DCUN1D4: variants seen among roughly 807,000 people sequenced by gnomAD.
DCUN1D4 encodes defective in cullin neddylation 1 domain containing 4.
DCUN1D4 carries 22 observed loss-of-function variants against 47.9 expected under a neutral mutation model. That is an observed-to-expected ratio of 0.46 (90% CI 0.33 to 0.66). The LOEUF is 0.66. DCUN1D4 is among the 30% of genes least tolerant of loss of function. The pLI is 0.02. For synonymous variants in DCUN1D4, 121 were observed against 112.2 expected, an observed-to-expected ratio of 1.08 and a Z score of -0.50; for missense variants, 301 against 340.8, an observed-to-expected ratio of 0.88 and a Z score of 0.92.
Position 51,913,285 on chromosome 4 carries a change from A to G in DCUN1D4, c.721-5A>G, listed in dbSNP as rs1286360864. On this transcript the variant is annotated splice_polypyrimidine_tract_variant and splice_region_variant and intron_variant, in intron 9 of 10. Coordinates refer to ENST00000334635, the MANE Select transcript of DCUN1D4 (RefSeq NM_001040402.3). The stretch of plus-strand genomic sequence containing the variant: ...AGTAATTCATATTACTTTTCCCTCC[A>G]TCAGCAATCAAAATACAAAGTTATT... The G allele has an allele frequency of 6.3e-7, 1 of 1,585,058 alleles. No homozygotes were observed. Among genetic ancestry groups the G allele is most frequent in the African/African-American group, 1.3e-5 (1 of 74,324 alleles).
At chr4:51,844,262 G>C (rs1577803713) in intron 1 of DCUN1D4, 2 of 922,192 alleles carry the variant, frequency 2.2e-6, no homozygotes, top group African/African-American at 1.8e-5. Flanking sequence ...TCTCCCTGTC[G>C]AGGCAGGGTC....
chr4:51,861,011 C>T (rs1186042560), intron 1 of DCUN1D4, among the ~76,000 whole-genome samples: 4 of 152,096 alleles, frequency 2.6e-5, no homozygotes, highest in African/African-American at 7.2e-5. Context: ...TAAATATAGT[C>T]GGAATTGATG....
chr4:51,842,715 C>T (rs948787040), upstream of DCUN1D4, among the ~76,000 whole-genome samples: 4 of 152,174 alleles, frequency 2.6e-5, no homozygotes, highest in East Asian at 7.7e-4. Context: ...CTGGTACGAG[C>T]CGCCCCCAAC....
upstream of DCUN1D4, chr4:51,842,882 A>T (rs548953640): frequency 8.9e-5 from 29 of 325,270 alleles, no homozygotes; most frequent in Non-Finnish European, 1.4e-4. Context: ...TCGCCCCTAC[A>T]CGCGCTCTCG....
intron 8 of DCUN1D4, among the ~76,000 whole-genome samples, chr4:51,900,380 G>A (rs192927676): frequency 5.2e-4 from 79 of 152,078 alleles, no homozygotes; most frequent in Non-Finnish European, 9.3e-4. Context: ...TGTTAAAAAC[G>A]ATAAGGTGAA....
rs755838496 is a variant in DCUN1D4 at position 51,899,362 on chromosome 4, C to T, written c.599C>T (p.Ala200Val). 1.9e-6 allele frequency: 3 copies of T among 1,607,076 alleles called. No individual in the cohort carries two copies. Among genetic ancestry groups the T allele is most frequent in the Non-Finnish European group, 1.7e-6 (2 of 1,176,852 alleles). ...STNFKLIYRYAFDFAREKDQR... is the reference protein window; with the variant it reads ...STNFKLIYRYVFDFAREKDQR... ...AACTTTAAACTTATTTACAGATATG[C>T]GTTTGACTTTGCACGGGTGAGTTCT... The change falls in exon 8 of 11, where the codon GCG (alanine) becomes GTG (valine). Residue 200 changes from alanine to valine, a missense_variant. Physicochemically the swap from Ala to Val is moderately conservative, Grantham distance 64. This residue lies in a region of DCUN1D4 where 170 missense variants were observed against 234.5 expected (regional missense o/e 0.73). Coordinates refer to ENST00000334635, the MANE Select transcript of DCUN1D4 (RefSeq NM_001040402.3).
intron 3 of DCUN1D4, among the ~76,000 whole-genome samples, chr4:51,868,578 T>G (rs1310059645): frequency 6.6e-6 from 1 of 152,188 alleles, no homozygotes; most frequent in African/African-American, 2.4e-5. Context: ...ATCTATGATG[T>G]TTAGAAATCT....
the DCUN1D4 span, among the ~76,000 whole-genome samples, chr4:51,835,637 G>A: frequency 1.4e-4 from 21 of 152,136 alleles, no homozygotes; most frequent in African/African-American, 4.6e-4. Flanking sequence ...CTAGCCTGTG[G>A]GGTGGGGACA....
chr4:51,866,192 C>G (rs1016662725), intron 3 of DCUN1D4, among the ~76,000 whole-genome samples: 4 of 152,036 alleles, frequency 2.6e-5, no homozygotes, highest in Non-Finnish European at 5.9e-5. Context: ...CAAGGACAGT[C>G]AAAAACAATT....
At chr4:51,841,937 T>G, upstream of DCUN1D4, among the ~76,000 whole-genome samples, 1 of 135,376 alleles carries the variant, frequency 7.4e-6, no homozygotes. Flanking sequence ...AGGTGTGTTG[T>G]TGTTGGAGTT....
the DCUN1D4 span, among the ~76,000 whole-genome samples, chr4:51,835,281 C>CCTCT: frequency 6.6e-6 from 1 of 152,228 alleles, no homozygotes; most frequent in African/African-American, 2.4e-5. Context: ...AGTTACTTTA[C>CCTCT]CTCTCTGTGC....
chr4:51,834,076 C>T, the DCUN1D4 span, among the ~76,000 whole-genome samples: 23 of 97,758 alleles, frequency 2.4e-4, no homozygotes, highest in African/African-American at 1.0e-3. Flanking sequence ...CTCTCTCTCT[C>T]TCTCTCTCTC....
chr4:51,874,144 T>C (rs1440294371), intron 3 of DCUN1D4, 127 bp from the exon 4 acceptor site: 8 of 498,240 alleles, frequency 1.6e-5, no homozygotes, highest in South Asian at 6.3e-5. Context: ...ACCCATCTTT[T>C]CTTTAACATC....
At position 51,899,275 on chromosome 4, in the gene DCUN1D4, A is replaced by G; in HGVS notation, c.512A>G (p.Asp171Gly). 2 of 1,600,336 alleles carry G rather than the reference A, an allele frequency of 1.2e-6. No individual in the cohort carries two copies. Among genetic ancestry groups the G allele is most frequent in the Non-Finnish European group, 1.7e-6 (2 of 1,175,838 alleles). The change falls in exon 8 of 11, where the codon GAT becomes GGT. Residue 171 changes from aspartate (D) to glycine (G), a missense_variant. Asp to Gly is a moderately conservative substitution (Grantham distance 94). This residue lies in a region of DCUN1D4 where 170 missense variants were observed against 234.5 expected (regional missense o/e 0.73). Transcript: ENST00000334635. ...CCTTTATTCTGTTTTTCTAGATGTG[A>G]TACAACAGAAAAACTCAGAAATACT... ...WLKGMTSLQC[D>G]TTEKLRNTLD...
At chr4:51,877,882 C>T in intron 5 of DCUN1D4, 28 bp downstream of exon 5, 1 of 1,442,154 alleles carries the variant, frequency 6.9e-7, no homozygotes, top group Non-Finnish European at 9.6e-7. Flanking sequence ...TCATCTAAGA[C>T]TGATCCTTAT....
intron 3 of DCUN1D4, among the ~76,000 whole-genome samples, chr4:51,869,565 C>G (rs780464262): frequency 4.6e-5 from 7 of 151,888 alleles, no homozygotes; most frequent in Non-Finnish European, 8.8e-5. Context: ...TTGTAAACCT[C>G]TTGTACTCTT....
chr4:51,837,297 G>C, the DCUN1D4 span, among the ~76,000 whole-genome samples: 1 of 152,216 alleles, frequency 6.6e-6, no homozygotes, highest in Non-Finnish European at 1.5e-5. Flanking sequence ...AAAAGAGTCA[G>C]TTTAAGAATT....
At chr4:51,876,338 G>A (rs1727666419) in intron 4 of DCUN1D4, among the ~76,000 whole-genome samples, 6 of 150,896 alleles carry the variant, frequency 4.0e-5, no homozygotes, top group Middle Eastern at 6.8e-3. Flanking sequence ...AACACCGCAT[G>A]TTCTCACTCA....
intron 8 of DCUN1D4, among the ~76,000 whole-genome samples, chr4:51,899,936 G>A (rs1431020088): frequency 6.6e-6 from 1 of 152,130 alleles, no homozygotes; most frequent in Non-Finnish European, 1.5e-5. Context: ...GGTTCCCTTG[G>A]AGTGAAATAA....
Sources: allele counts gnomAD v4.1 joint callset (sites outside exome capture counted in the v4.1 genomes callset), GRCh38; gene constraint gnomAD v4.1.1; regional missense constraint gnomAD v4.1.1; transcripts MANE v1.5; gene names NCBI Gene and HGNC (gene_info 2026-07-23, HGNC 2026-07-21).